Variants in SCN4B observed in about 807,000 individuals in gnomAD.
SCN4B encodes sodium voltage-gated channel beta subunit 4.
Under a neutral mutation model 19.6 loss-of-function variants are expected in SCN4B, and 20 were observed. The ratio of observed to expected loss-of-function variants is 1.02; its 90% CI spans 0.72 to 1.48. The LOEUF is 1.48. Among genes scored for constraint, SCN4B ranks in the 40% most tolerant of loss-of-function variants. The pLI, the probability that SCN4B is intolerant of heterozygous loss-of-function variation, is 0.00. For synonymous variants in SCN4B, 127 were observed against 122.8 expected (o/e 1.03, Z -0.22); for missense variants, 271 against 287.5 (o/e 0.94, Z 0.42).
At chr11:118,152,532 C>T in intron 1 of SCN4B, 81 bp downstream of exon 1, 1 of 1,241,430 alleles carries the variant, frequency 8.1e-7, no homozygotes, top group Non-Finnish European at 1.2e-6. Context: ...CCACCCCATC[C>T]AAGGCATCTT....
intron 1 of SCN4B, chr11:118,145,464 C>A (rs971490292): frequency 3.5e-6 from 5 of 1,446,150 alleles, no homozygotes; most frequent in African/African-American, 1.4e-5. Context: ...GCCCTTGTTG[C>A]GCTCTGGATG....
intron 2 of SCN4B, 22 bp downstream of exon 2, chr11:118,145,035 T>C: frequency 6.2e-7 from 1 of 1,612,082 alleles, no homozygotes; most frequent in Middle Eastern, 1.7e-4. Context: ...TGGGCTGTAC[T>C]GTTCTTCCTC....
intron 1 of SCN4B, among the ~76,000 whole-genome samples, chr11:118,151,089 C>G (rs1055535886): frequency 2.0e-5 from 3 of 151,634 alleles, no homozygotes; most frequent in Non-Finnish European, 4.4e-5. Context: ...AGCAATGTAC[C>G]AAGACTGTGC....
At chr11:118,149,008 A>C in intron 1 of SCN4B, among the ~76,000 whole-genome samples, 1 of 152,042 alleles carries the variant, frequency 6.6e-6, no homozygotes, top group East Asian at 1.9e-4. Context: ...CCTCACTAAA[A>C]AGCCACTCTC....
rs746641404 is a variant in SCN4B at position 118,141,267 on chromosome 11, A to G, written c.533T>C (p.Ile178Thr). 14 of 1,612,746 alleles carry G rather than the reference A, an allele frequency of 8.7e-6. No homozygotes were observed. Among genetic ancestry groups the G allele is most frequent in the Middle Eastern group, 2.0e-4 (1 of 5,000 alleles). The stretch of plus-strand genomic sequence containing the variant: ...GAGTTTCTTGATCAGCAGGATGAGG[A>G]TGAGGAGCCCGATGACCCCGCCCAC... Reference protein sequence around the residue: ...AVVGGVIGLLILILLIKKLII... With the variant: ...AVVGGVIGLLTLILLIKKLII... Residue 178 changes from isoleucine (I) to threonine (T), a missense_variant, in exon 4 of 5, where the codon ATC becomes ACC. Coordinates refer to ENST00000324727, the MANE Select transcript of SCN4B (RefSeq NM_174934.4).
intron 4 of SCN4B, among the ~76,000 whole-genome samples, chr11:118,137,728 C>G (rs1948036822): frequency 6.6e-6 from 1 of 152,178 alleles, no homozygotes; most frequent in Non-Finnish European, 1.5e-5. Context: ...GTTGTCTCAA[C>G]ATGGCAGGAA....
chr11:118,152,274 ACGGAC>A (rs1948240872), intron 1 of SCN4B, among the ~76,000 whole-genome samples: 1 of 152,170 alleles, frequency 6.6e-6, no homozygotes, highest in Non-Finnish European at 1.5e-5. Context: ...CACTCAAGGC[ACGGAC>A]CCCCCTCCTC....
intron 1 of SCN4B, among the ~76,000 whole-genome samples, chr11:118,151,402 G>T (rs1411161121): frequency 6.6e-6 from 1 of 152,176 alleles, no homozygotes; most frequent in East Asian, 1.9e-4. Flanking sequence ...CCTGTGAAAA[G>T]GAGCCTCAGG....
rs565560574 is a variant in SCN4B, at chr11:118,135,480, C to G, written c.*1547G>C. 1 of 454,070 alleles carries G rather than the reference C, an allele frequency of 2.2e-6. No individual in the cohort carries two copies. The highest frequency in any genetic ancestry group is 2.3e-5 in the Admixed American group (1 of 42,574). The allele number at this position is 454,070 out of a possible 1,614,324, so 28.1% of individuals were successfully genotyped here. On this transcript the variant is annotated 3_prime_UTR_variant, in exon 5 of 5. Coordinates refer to ENST00000324727, the MANE Select transcript of SCN4B (RefSeq NM_174934.4). ...GAGAGAGGGATTGGAAGTAGATGGG[C>G]AGAGAGGCTTGTTACCACTTTTCCC...
intron 1 of SCN4B, among the ~76,000 whole-genome samples, chr11:118,146,876 A>G (rs1173348744): frequency 6.6e-6 from 1 of 152,256 alleles, no homozygotes; most frequent in Admixed American, 6.5e-5. Context: ...TAAGAGACCC[A>G]GATCTACCCA....
chr11:118,137,087 G>A lies in SCN4B; in HGVS notation c.627C>T (p.Asp209=), dbSNP rs371872353. Residue 209 remains aspartate (D), a synonymous_variant, in exon 5 of 5, where the codon GAC becomes GAT. Transcript: ENST00000324727. ...KECLVSSSGN[D]NTENGLPGSK... ...AGCCAGGCAAGCCGTTCTCCGTGTT[G>A]TCATTCCCCGAGGAGCTCACGAGAC... 22 of 1,613,982 alleles carry A rather than the reference G, an allele frequency of 1.4e-5. No individual in the cohort carries two copies. Among genetic ancestry groups the A allele is most frequent in the Non-Finnish European group, 1.9e-5 (22 of 1,179,932 alleles).
intron 4 of SCN4B, 122 bp downstream of exon 4, chr11:118,141,085 G>A (rs1452395398): frequency 9.0e-7 from 1 of 1,111,150 alleles, no homozygotes; most frequent in African/African-American, 1.5e-5. Context: ...GGATAGAACA[G>A]AGAGCGGTAG....
intron 1 of SCN4B, among the ~76,000 whole-genome samples, chr11:118,150,562 G>T (rs1948224936): frequency 6.6e-6 from 1 of 152,164 alleles, no homozygotes; most frequent in South Asian, 2.1e-4. Flanking sequence ...AGCGTGGTGT[G>T]ACAGAGCCCA....
chr11:118,137,808 G>A (rs1948038932), intron 4 of SCN4B, among the ~76,000 whole-genome samples: 1 of 152,216 alleles, frequency 6.6e-6, no homozygotes, highest in South Asian at 2.1e-4. Flanking sequence ...GAGGGGTCCA[G>A]GCCAGCAAGG....
At position 118,136,038 on chromosome 11, in the gene SCN4B, G is replaced by GA; in HGVS notation, c.*988_*989insT. The GA allele has an allele frequency of 1.7e-5, 1 of 59,178 alleles. No homozygotes were observed. Among genetic ancestry groups the GA allele is most frequent in the South Asian group, 6.0e-5 (1 of 16,622 alleles). 3.7% of individuals were successfully genotyped at this position (59,178 alleles called of 1,614,324 possible). A position where few individuals can be genotyped will look rare whatever the true frequency, so the allele number is the denominator to read the frequency against. On this transcript the variant is annotated 3_prime_UTR_variant, in exon 5 of 5. Coordinates refer to ENST00000324727, the MANE Select transcript of SCN4B (RefSeq NM_174934.4). ...GGCAGGGCGTGATGGAGGGCACGGT[G>GA]GGGGGGGGGGAGCGAGCCAATGGGA...
intron 1 of SCN4B, among the ~76,000 whole-genome samples, chr11:118,147,927 CA>C (rs1317921144): frequency 2.0e-5 from 3 of 152,146 alleles, no homozygotes; most frequent in African/African-American, 7.2e-5. Context: ...TTCAAGAGCA[CA>C]AAAGATGCGT....
rs761885594 is a variant in SCN4B, at chr11:118,148,614, C to T, written c.62-3385G>A. 5.3e-5 allele frequency among the ~76,000 whole-genome samples: 8 copies of T among 152,124 alleles called. No homozygotes were observed. The highest frequency in any genetic ancestry group is 7.4e-5 in the Non-Finnish European group (5 of 68,010). On this transcript the variant is annotated intron_variant, in intron 1 of 4. Coordinates refer to ENST00000324727, the MANE Select transcript of SCN4B (RefSeq NM_174934.4). This position sits in a 1 kb window ranked among gnomAD's most constrained non-coding sequence, Gnocchi z 4.0. ...GGAGATTATAAAACACAAGAGGGGCCGCCGTGAGTGGGCACCCTGCAGGTA... is the reference window on the plus strand; with the variant it reads ...GGAGATTATAAAACACAAGAGGGGCTGCCGTGAGTGGGCACCCTGCAGGTA...
intron 4 of SCN4B, among the ~76,000 whole-genome samples, chr11:118,139,712 C>T (rs2135500000): frequency 6.6e-6 from 1 of 152,302 alleles, no homozygotes; most frequent in Non-Finnish European, 1.5e-5. Flanking sequence ...GGGCAAGTCA[C>T]TTCACTACTC....
At chr11:118,140,743 T>G (rs1286380494) in intron 4 of SCN4B, among the ~76,000 whole-genome samples, 3 of 152,260 alleles carry the variant, frequency 2.0e-5, no homozygotes, top group Non-Finnish European at 4.4e-5. Context: ...TTTTAAAACA[T>G]CACCTCCATC....
Sources: allele counts gnomAD v4.1 joint callset (sites outside exome capture counted in the v4.1 genomes callset), GRCh38; gene constraint gnomAD v4.1.1; non-coding constraint Gnocchi (gnomAD v3.1); transcripts MANE v1.5; gene names NCBI Gene and HGNC (gene_info 2026-07-23, HGNC 2026-07-21).